The following WWOX variants were observed in gnomAD, a reference collection of about 807,000 sequenced individuals.
WWOX encodes the protein WW domain-containing oxidoreductase.
Under a neutral mutation model 46.2 loss-of-function variants are expected in WWOX, and 69 were observed. The ratio of observed to expected loss-of-function variants is 1.49; its 90% CI spans 1.23 to 1.82. The LOEUF is 1.82. WWOX is among the 40% of genes most tolerant of loss of function. The probability of loss-of-function intolerance (pLI) is 0.00; values close to 1 mark genes in which losing one functional copy is unlikely to be tolerated. For missense variants in WWOX, 919 were observed against 542.6 expected (o/e 1.69, Z -6.89); for synonymous variants, 359 against 202.6 (o/e 1.77, Z -6.56).
chr16:78,840,721 T>C (rs925010892), intron 8 of WWOX, among the ~76,000 whole-genome samples: 2 of 152,046 alleles, frequency 1.3e-5, no homozygotes, highest in African/African-American at 4.8e-5. Context: ...TATTTAATTT[T>C]TGTGGGTACC....
intron 8 of WWOX, among the ~76,000 whole-genome samples, chr16:78,705,037 A>G (rs938722849): frequency 6.6e-6 from 1 of 152,142 alleles, no homozygotes; most frequent in African/African-American, 2.4e-5. Flanking sequence ...GGTAAGGGCA[A>G]GGACCATGAC....
At chr16:79,070,039 A>T (rs12930934) in intron 8 of WWOX, among the ~76,000 whole-genome samples, 38,854 of 152,192 alleles carry the variant, frequency 0.26, 5,394 homozygotes, top group Admixed American at 0.37. Flanking sequence ...TTCCTATTCC[A>T]AAATAAATGC....
intron 8 of WWOX, among the ~76,000 whole-genome samples, chr16:78,492,102 C>T (rs4887964): frequency 6.6e-6 from 1 of 152,128 alleles, no homozygotes; most frequent in Non-Finnish European, 1.5e-5. Context: ...AGATTCCCAG[C>T]CAACTGGTTT....
intron 8 of WWOX, among the ~76,000 whole-genome samples, chr16:78,452,209 G>C (rs1437877177): frequency 6.6e-6 from 1 of 152,100 alleles, no homozygotes; most frequent in South Asian, 2.1e-4. Context: ...ATATTTCTTG[G>C]ATTGTCCGCA....
chr16:78,535,878 A>T (rs1229242197), intron 8 of WWOX, among the ~76,000 whole-genome samples: 1 of 151,752 alleles, frequency 6.6e-6, no homozygotes, highest in African/African-American at 2.4e-5. Flanking sequence ...GCTTTCTTGG[A>T]CTCATTTTCC....
At chr16:78,755,216 GA>G (rs372774544) in intron 8 of WWOX, among the ~76,000 whole-genome samples, 35 of 114,234 alleles carry the variant, frequency 3.1e-4, no homozygotes, top group African/African-American at 8.7e-4. Context: ...AAAGTGAAAG[GA>G]AAAAAAAAAG....
chr16:78,839,054 G>A (rs1001173510), intron 8 of WWOX, among the ~76,000 whole-genome samples: 5 of 152,046 alleles, frequency 3.3e-5, no homozygotes. Context: ...TCACCTATGG[G>A]GGAAACTGGA....
At chr16:78,807,287 A>C (rs753602307) in intron 8 of WWOX, among the ~76,000 whole-genome samples, 3 of 152,276 alleles carry the variant, frequency 2.0e-5, no homozygotes, top group Non-Finnish European at 2.9e-5. Flanking sequence ...ACAACATCTC[A>C]TACCACAATG....
intron 6 of WWOX, among the ~76,000 whole-genome samples, chr16:78,398,506 C>G (rs777061991): frequency 6.6e-6 from 1 of 152,192 alleles, no homozygotes; most frequent in African/African-American, 2.4e-5. Context: ...CAGAGCCTCC[C>G]TTCTACCTGC....
chr16:78,897,859 C>G (rs910025991), intron 8 of WWOX: 7 of 151,990 alleles, frequency 4.6e-5, no homozygotes, highest in African/African-American at 1.4e-4. Flanking sequence ...TTAATTATAG[C>G]CTTTTTGTGG....
At chr16:78,948,171 C>A (rs139461703) in intron 8 of WWOX, among the ~76,000 whole-genome samples, 1 of 152,140 alleles carries the variant, frequency 6.6e-6, no homozygotes, top group Non-Finnish European at 1.5e-5. Context: ...CACCTGCCTC[C>A]GTGGTTTGTC....
intron 8 of WWOX, chr16:79,004,359 G>C (rs529683257): frequency 6.6e-6 from 1 of 152,322 alleles, no homozygotes; most frequent in South Asian, 2.1e-4. Context: ...ATCCATTCAT[G>C]GCTGCCAGGA....
At chr16:78,507,624 G>T (rs560902980) in intron 8 of WWOX, among the ~76,000 whole-genome samples, 3 of 152,182 alleles carry the variant, frequency 2.0e-5, no homozygotes, top group East Asian at 1.9e-4. Flanking sequence ...CCCCATACTC[G>T]ACATTCTTTG....
chr16:79,049,426 A>C (rs1411417966), intron 8 of WWOX, among the ~76,000 whole-genome samples: 1 of 152,200 alleles, frequency 6.6e-6, no homozygotes, highest in Non-Finnish European at 1.5e-5. Flanking sequence ...CAAAACCTTG[A>C]GGGGCATCGA....
intron 8 of WWOX, among the ~76,000 whole-genome samples, chr16:78,653,753 G>C (rs889437214): frequency 6.6e-6 from 1 of 152,212 alleles, no homozygotes; most frequent in African/African-American, 2.4e-5. Flanking sequence ...ACCTCCACTG[G>C]TCATGAAATA....
At chr16:79,016,513 C>G (rs1460348645) in intron 8 of WWOX, 1 of 152,396 alleles carries the variant, frequency 6.6e-6, no homozygotes, top group Non-Finnish European at 1.5e-5. Context: ...ACCTCTGCCT[C>G]CTGGGTTCAA....
intron 5 of WWOX, among the ~76,000 whole-genome samples, chr16:78,335,480 ATAT>A (rs1331385882): frequency 2.6e-5 from 4 of 152,120 alleles, no homozygotes; most frequent in African/African-American, 9.7e-5. Context: ...TGATTATATA[ATAT>A]TCCATGGTAT....
chr16:79,172,475 G>A (rs2050718804), intron 8 of WWOX, among the ~76,000 whole-genome samples: 2 of 152,078 alleles, frequency 1.3e-5, no homozygotes, highest in African/African-American at 4.8e-5. Flanking sequence ...GTAGTCCCGA[G>A]CCCTGTGTCT....
At chr16:78,972,296 C>A (rs889405536) in intron 8 of WWOX, among the ~76,000 whole-genome samples, 1 of 152,080 alleles carries the variant, frequency 6.6e-6, no homozygotes, top group African/African-American at 2.4e-5. Context: ...TGCTCAGAGT[C>A]TCGCATTATA....
Sources: allele counts gnomAD v4.1 joint callset (sites outside exome capture counted in the v4.1 genomes callset), GRCh38; gene constraint gnomAD v4.1.1; transcripts MANE v1.5; gene names NCBI Gene and HGNC (gene_info 2026-07-23, HGNC 2026-07-21).